The following PRKCE variants were observed in gnomAD, a reference collection of about 807,000 sequenced individuals.
The protein encoded by PRKCE is protein kinase C epsilon type.
PRKCE carries 16 observed loss-of-function variants against 85.4 expected under a neutral mutation model. The observed-to-expected ratio is 0.19, with a 90% CI of 0.13 to 0.28. The LOEUF is 0.28. Among genes scored for constraint, PRKCE ranks in the 10% least tolerant of loss-of-function variants. The pLI is 1.00. For synonymous variants in PRKCE, 388 were observed against 371.5 expected (o/e 1.04, Z -0.51); for missense variants, 573 against 975.2 (o/e 0.59, Z 5.49).
At chr2:45,773,690 G>A (rs554389943) in intron 1 of PRKCE, among the ~76,000 whole-genome samples, 9 of 152,314 alleles carry the variant, frequency 5.9e-5, no homozygotes, top group Admixed American at 2.6e-4. Flanking sequence ...CCTTGGCCTG[G>A]GGAAAGACGA....
rs1708220233 is a variant in PRKCE at position 46,041,656 on chromosome 2, T to G, written c.1437+31139T>G. 6.6e-6 allele frequency among the ~76,000 whole-genome samples: 1 copy of G among 152,244 alleles called. No homozygotes were observed. Among genetic ancestry groups the G allele is most frequent in the Non-Finnish European group, 1.5e-5 (1 of 68,042 alleles). On this transcript the variant is annotated intron_variant, in intron 10 of 14. Transcript: ENST00000306156. This position sits in a 1 kb window ranked among gnomAD's most constrained non-coding sequence, Gnocchi z 5.5. ...AAGTCACAAATAATAGCTTTTTCCC[T>G]TAACTTGGAATGAACAACATAGTAC...
At chr2:45,727,554 T>C (rs1488295294) in intron 1 of PRKCE, among the ~76,000 whole-genome samples, 2 of 152,236 alleles carry the variant, frequency 1.3e-5, no homozygotes, top group Non-Finnish European at 2.9e-5. Flanking sequence ...TCCACCCAGA[T>C]GTTCTGCTGG....
intron 1 of PRKCE, among the ~76,000 whole-genome samples, chr2:45,749,322 C>T (rs1023480907): frequency 1.3e-5 from 2 of 152,210 alleles, no homozygotes; most frequent in East Asian, 3.8e-4. Flanking sequence ...TAAGCAAATT[C>T]TGTAGTGCAG....
chr2:46,104,295 A>ATTTTTT (rs1671505567), intron 11 of PRKCE, among the ~76,000 whole-genome samples: 1 of 57,678 alleles, frequency 1.7e-5, no homozygotes, highest in Non-Finnish European at 3.7e-5. Context: ...TTCACCTTGT[A>ATTTTTT]CTTTTTTTTT....
chr2:46,158,200 A>G (rs10205024), intron 13 of PRKCE, among the ~76,000 whole-genome samples: 93,199 of 152,100 alleles, frequency 0.61, 29,895 homozygotes, highest in East Asian at 0.87. Flanking sequence ...CCTGGGGTCT[A>G]AGATATCAAC....
At chr2:45,752,377 C>T (rs184913196) in intron 1 of PRKCE, among the ~76,000 whole-genome samples, 56 of 152,314 alleles carry the variant, frequency 3.7e-4, no homozygotes, top group Admixed American at 1.2e-3. Flanking sequence ...GGTCTGTACC[C>T]TCAACCCTGT....
At chr2:45,799,655 T>C (rs1687704703) in intron 1 of PRKCE, among the ~76,000 whole-genome samples, 1 of 152,248 alleles carries the variant, frequency 6.6e-6, no homozygotes, top group African/African-American at 2.4e-5. Context: ...AAAAGGCACA[T>C]GTCAGTATAA....
chr2:45,957,118 A>C (rs1262042759), intron 2 of PRKCE, among the ~76,000 whole-genome samples: 1 of 152,254 alleles, frequency 6.6e-6, no homozygotes, highest in Non-Finnish European at 1.5e-5. Flanking sequence ...TCTTGCAAAC[A>C]GCAGAGGTTA....
intron 1 of PRKCE, among the ~76,000 whole-genome samples, chr2:45,817,386 A>C (rs1465113965): frequency 6.6e-6 from 1 of 152,162 alleles, no homozygotes; most frequent in African/African-American, 2.4e-5. Context: ...ATCATGAATC[A>C]AATACTTTCT....
chr2:46,168,129 C>T (rs1035781888), intron 14 of PRKCE, among the ~76,000 whole-genome samples: 7 of 152,148 alleles, frequency 4.6e-5, no homozygotes, highest in Non-Finnish European at 7.3e-5. Context: ...CATCCCCTAC[C>T]CCCACTCCAG....
intron 6 of PRKCE, among the ~76,000 whole-genome samples, chr2:45,994,463 C>A (rs974580900): frequency 6.6e-6 from 1 of 152,212 alleles, no homozygotes; most frequent in South Asian, 2.1e-4. Context: ...TCTCTCCTAA[C>A]CCCTGGTAAC....
At chr2:46,009,715 A>G (rs1705499452) in intron 9 of PRKCE, among the ~76,000 whole-genome samples, 1 of 152,246 alleles carries the variant, frequency 6.6e-6, no homozygotes, top group Non-Finnish European at 1.5e-5. Flanking sequence ...AATGCAACTT[A>G]TATAATACTT....
At chr2:45,655,937 T>C (rs1191901919) in intron 1 of PRKCE, among the ~76,000 whole-genome samples, 1 of 143,528 alleles carries the variant, frequency 7.0e-6, no homozygotes, top group Non-Finnish European at 1.5e-5. Context: ...TGTGAAACAG[T>C]AGGTTATATT....
chr2:46,174,721 C>T lies in PRKCE; in HGVS notation c.2068-10014C>T, dbSNP rs1679258949. Among the ~76,000 whole-genome samples the T allele has an allele frequency of 2.0e-5, 3 of 152,142 alleles. No individual in the cohort carries two copies. In the South Asian group the frequency reaches 6.2e-4, roughly 32 times the overall value. ...TAATTTTTTTTGAGATAAGATCTGGCACTGTCACCCAGGCTGGAGGGCAGT... is the reference window on the plus strand; with the variant it reads ...TAATTTTTTTTGAGATAAGATCTGGTACTGTCACCCAGGCTGGAGGGCAGT... On this transcript the variant is annotated intron_variant, in intron 14 of 14. Transcript: ENST00000306156.
Position 46,074,650 on chromosome 2 carries a change from G to T in PRKCE, c.1438-11558G>T, listed in dbSNP as rs74803360. Reference sequence around the variant, plus strand: ...TTCTGTTGGTACAGGAACTGATAAGGTGACTCTTGAGTTTCTGGAATCAGA... The same window carrying T: ...TTCTGTTGGTACAGGAACTGATAAGTTGACTCTTGAGTTTCTGGAATCAGA... On this transcript the variant is annotated intron_variant, in intron 10 of 14. Transcript: ENST00000306156. Among the ~76,000 whole-genome samples, 967 of 152,216 alleles carry T rather than the reference G, an allele frequency of 6.4e-3. 16 individuals are homozygous for T. The highest frequency in any genetic ancestry group is 0.02 in the East Asian group (104 of 5,172).
rs61190862 is a variant in PRKCE, at chr2:46,001,272, T to TATATA, written c.824-132_824-131insATATA. 1 of 596,486 alleles carries TATATA rather than the reference T, an allele frequency of 1.7e-6. No individual in the cohort carries two copies. Among genetic ancestry groups the TATATA allele is most frequent in the Non-Finnish European group, 2.3e-6 (1 of 431,074 alleles). 36.9% of individuals were successfully genotyped at this position (596,486 alleles called of 1,614,324 possible). A position where few individuals can be genotyped will look rare whatever the true frequency, so the allele number is the denominator to read the frequency against. ...GAAGACATATATATATATATATATA[T>TATATA]TTCTGTATTTTCCAAATTATATCTT... On this transcript the variant is annotated intron_variant, in intron 6 of 14. Transcript: ENST00000306156. This position sits in a 1 kb window ranked among gnomAD's most constrained non-coding sequence, Gnocchi z 4.4.
At chr2:46,128,477 G>A (rs1041654978) in intron 11 of PRKCE, among the ~76,000 whole-genome samples, 4 of 152,186 alleles carry the variant, frequency 2.6e-5, no homozygotes, top group African/African-American at 4.8e-5. Context: ...TATGGGTTAG[G>A]AACCTGAACC....
intron 10 of PRKCE, among the ~76,000 whole-genome samples, chr2:46,031,748 T>C (rs1015792272): frequency 1.3e-5 from 2 of 152,104 alleles, no homozygotes; most frequent in Admixed American, 1.3e-4. Context: ...TTTCTGGAAC[T>C]AAAATCGGCT....
At chr2:45,941,178 A>G (rs1237114959) in intron 2 of PRKCE, among the ~76,000 whole-genome samples, 1 of 151,920 alleles carries the variant, frequency 6.6e-6, no homozygotes, top group East Asian at 1.9e-4. Flanking sequence ...GCAATACAGT[A>G]GCCTAGTTAA....
Sources: allele counts gnomAD v4.1 joint callset (sites outside exome capture counted in the v4.1 genomes callset), GRCh38; gene constraint gnomAD v4.1.1; non-coding constraint Gnocchi (gnomAD v3.1); transcripts MANE v1.5; gene names NCBI Gene and HGNC (gene_info 2026-07-23, HGNC 2026-07-21).